NUP54: variants seen among roughly 807,000 people sequenced by gnomAD.
NUP54 encodes the protein nucleoporin 54, also known as nucleoporin p54.
NUP54 carries 27 observed loss-of-function variants against 66.4 expected under a neutral mutation model. The observed-to-expected ratio is 0.41, with a 90% CI of 0.30 to 0.56. The LOEUF is 0.56. Ranked by LOEUF, NUP54 falls within the 20% of genes least tolerant of loss-of-function variation. NUP54 has a pLI of 0.34. For missense variants in NUP54, 486 were observed against 596.3 expected, an observed-to-expected ratio of 0.82 and a Z score of 1.93; for synonymous variants, 206 against 210.7, an observed-to-expected ratio of 0.98 and a Z score of 0.19.
chr4:76,141,640 T>A (rs1364302377), intron 3 of NUP54, among the ~76,000 whole-genome samples: 3 of 152,198 alleles, frequency 2.0e-5, no homozygotes, highest in African/African-American at 4.8e-5. Context: ...CTTCACTATA[T>A]CTTGCTCAGA....
chr4:76,139,226 A>AGTAAGT (rs1302172613), intron 3 of NUP54, among the ~76,000 whole-genome samples: 2 of 152,180 alleles, frequency 1.3e-5, no homozygotes, highest in Non-Finnish European at 2.9e-5. Context: ...TCAAGGAATG[A>AGTAAGT]AACCATTAGG....
chr4:76,133,676 A>T (rs922029976), intron 5 of NUP54, among the ~76,000 whole-genome samples: 3 of 152,180 alleles, frequency 2.0e-5, no homozygotes, highest in African/African-American at 7.2e-5. Flanking sequence ...TACTATAGGA[A>T]ATTCTGTTGA....
At chr4:76,139,369 C>T (rs1731168273) in intron 3 of NUP54, among the ~76,000 whole-genome samples, 1 of 152,040 alleles carries the variant, frequency 6.6e-6, no homozygotes, top group Non-Finnish European at 1.5e-5. Flanking sequence ...ATGTTCTTAC[C>T]AAAAAAGCAA....
At chr4:76,122,481 G>T (rs900671692) in intron 9 of NUP54, among the ~76,000 whole-genome samples, 4 of 152,040 alleles carry the variant, frequency 2.6e-5, no homozygotes, top group African/African-American at 4.8e-5. Flanking sequence ...ATTTTCTTTT[G>T]TATAATGTTA....
At chr4:76,126,734 T>C (rs1039046277) in intron 8 of NUP54, among the ~76,000 whole-genome samples, 1 of 152,154 alleles carries the variant, frequency 6.6e-6, no homozygotes, top group African/African-American at 2.4e-5. Flanking sequence ...TTAAAGGACA[T>C]AAAAGACTGC....
intron 8 of NUP54, among the ~76,000 whole-genome samples, chr4:76,126,145 A>G (rs531697562): frequency 6.6e-6 from 1 of 152,230 alleles, no homozygotes; most frequent in African/African-American, 2.4e-5. Context: ...AAGGAATGAT[A>G]TTAATTATGC....
chr4:76,147,841 G>T, intron 1 of NUP54: 1 of 349,412 alleles, frequency 2.9e-6, no homozygotes, highest in South Asian at 2.4e-5. Flanking sequence ...ACCCCACAGC[G>T]AGGACCACAG....
At chr4:76,134,445 T>A in intron 4 of NUP54, 83 bp from the exon 5 acceptor site, 1 of 1,132,228 alleles carries the variant, frequency 8.8e-7, no homozygotes, top group East Asian at 2.6e-5. Context: ...TAATATCTGC[T>A]AAAATGGGAA....
At chr4:76,131,673 C>T (rs1730808224) in intron 6 of NUP54, among the ~76,000 whole-genome samples, 1 of 147,956 alleles carries the variant, frequency 6.8e-6, no homozygotes, top group South Asian at 2.1e-4. Flanking sequence ...CATCAGTGGC[C>T]AGAAAAAATA....
chr4:76,145,509 G>C, intron 1 of NUP54: 1 of 1,090,670 alleles, frequency 9.2e-7, no homozygotes, highest in Non-Finnish European at 1.2e-6. Context: ...CTTAGTCTCT[G>C]TCAAGACTAA....
In NUP54 at chr4:76,117,228, T is replaced by A. The variant is rs183927077; in HGVS notation, c.1395+436A>T. Among the ~76,000 whole-genome samples the A allele has an allele frequency of 5.9e-5, 9 of 152,314 alleles. No individual in the cohort carries two copies. In the East Asian group the frequency reaches 1.7e-3, roughly 29 times the overall value. On this transcript the variant is annotated intron_variant, in intron 11 of 11. Coordinates refer to ENST00000264883, the MANE Select transcript of NUP54 (RefSeq NM_017426.4). ...AAGCATAACTTCTTCAAGGTCAAAT[T>A]GCATTGTAGCATGTGTCAGAATTTC...
At chr4:76,117,500 T>C (rs1201682485) in intron 11 of NUP54, among the ~76,000 whole-genome samples, 164 bp downstream of exon 11, 1 of 152,168 alleles carries the variant, frequency 6.6e-6, no homozygotes, top group Admixed American at 6.5e-5. Context: ...CACTACACTG[T>C]TTTCCATAGA....
Position 76,115,382 on chromosome 4 carries a change from C to T in NUP54, c.1508G>A (p.Gly503Asp), listed in dbSNP as rs779417784. Reference protein sequence around the residue: ...HGLNETIHIRGGVFS With the variant: ...HGLNETIHIRDGVFS ...TGTGAACTGTCAACTAAAGACACCACCTCTGATGTGGATGGTTTCATTCAA... is the reference window on the plus strand; with the variant it reads ...TGTGAACTGTCAACTAAAGACACCATCTCTGATGTGGATGGTTTCATTCAA... The change falls in exon 12 of 12, where the codon GGT becomes GAT. Residue 503 changes from glycine (G) to aspartate (D), a missense_variant. Gly to Asp is a moderately conservative substitution (Grantham distance 94). Around this residue, in one of 4 missense-constraint regions of NUP54, gnomAD observed 83 missense variants for 128.6 expected, o/e 0.65. Coordinates refer to ENST00000264883, the MANE Select transcript of NUP54 (RefSeq NM_017426.4). 2.5e-6 allele frequency: 4 copies of T among 1,602,994 alleles called. No homozygotes were observed. Among genetic ancestry groups the T allele is most frequent in the African/African-American group, 1.3e-5 (1 of 74,432 alleles).
chr4:76,124,440 A>G (rs746932392), intron 9 of NUP54: 85 of 311,510 alleles, frequency 2.7e-4, no homozygotes, highest in Non-Finnish European at 9.3e-5. Flanking sequence ...TCACTAAAAT[A>G]CGAACTTTAG....
At chr4:76,148,264 C>A in intron 1 of NUP54, 44 bp downstream of exon 1, 2 of 1,288,558 alleles carry the variant, frequency 1.6e-6, no homozygotes, top group Non-Finnish European at 2.0e-6. Context: ...GCGGACCAGA[C>A]CCTTCCCCTT....
chr4:76,116,413 C>T (rs1056764269), intron 11 of NUP54, among the ~76,000 whole-genome samples: 16 of 152,290 alleles, frequency 1.1e-4, no homozygotes, highest in African/African-American at 3.4e-4. Flanking sequence ...CAGTCATTAG[C>T]TACCTAGTAT....
rs1729906687 is a variant in NUP54 at position 76,115,421 on chromosome 4, A to G, written c.1469T>C (p.Leu490Pro). The stretch of plus-strand genomic sequence containing the variant: ...GGTTTCATTCAATCCATGTTCGACC[A>G]GCTTTATATCTTCTAGATCGTCTTT... ...IIKDDLEDIK[L>P]VEHGLNETIH... The change falls in exon 12 of 12, where the codon CTG becomes CCG. Residue 490 changes from leucine to proline, a missense_variant. Leu to Pro is a moderately conservative substitution (Grantham distance 98). This residue lies in a region of NUP54 where 83 missense variants were observed against 128.6 expected (regional missense o/e 0.65). Coordinates refer to ENST00000264883, the MANE Select transcript of NUP54 (RefSeq NM_017426.4). The G allele has an allele frequency of 1.2e-6, 2 of 1,611,292 alleles. No homozygotes were observed. The highest frequency in any genetic ancestry group is 1.7e-6 in the Non-Finnish European group (2 of 1,178,878).
chr4:76,135,440 T>C (rs1274521847), intron 4 of NUP54, among the ~76,000 whole-genome samples: 1 of 152,224 alleles, frequency 6.6e-6, no homozygotes, highest in Non-Finnish European at 1.5e-5. Context: ...AATACATGTA[T>C]CAAAATTTCA....
intron 1 of NUP54, among the ~76,000 whole-genome samples, chr4:76,145,102 A>G (rs1731430669): frequency 6.6e-6 from 1 of 151,922 alleles, no homozygotes; most frequent in South Asian, 2.1e-4. Context: ...GTGGATCACA[A>G]GGTCAGGAGA....
Sources: allele counts gnomAD v4.1 joint callset (sites outside exome capture counted in the v4.1 genomes callset), GRCh38; gene constraint gnomAD v4.1.1; regional missense constraint gnomAD v4.1.1; transcripts MANE v1.5; gene names NCBI Gene and HGNC (gene_info 2026-07-23, HGNC 2026-07-21).